Variants in FMN1 observed in about 807,000 individuals in gnomAD.
The protein encoded by FMN1 is formin-1.
Under a neutral mutation model 132.4 loss-of-function variants are expected in FMN1, and 110 were observed. That is an observed-to-expected ratio of 0.83 (90% CI 0.71 to 0.97). The LOEUF (loss-of-function observed/expected upper bound fraction) is 0.97. Among genes scored for constraint, FMN1 ranks in the 50% least tolerant of loss-of-function variants. The pLI, the probability that FMN1 is intolerant of heterozygous loss-of-function variation, is 0.00. For synonymous variants in FMN1, 722 were observed against 651.7 expected, an observed-to-expected ratio of 1.11 and a Z score of -1.64; for missense variants, 1,792 against 1,705.3, an observed-to-expected ratio of 1.05 and a Z score of -0.90.
chr15:33,009,231 T>A (rs944386092), intron 6 of FMN1, among the ~76,000 whole-genome samples: 4 of 152,138 alleles, frequency 2.6e-5, no homozygotes, highest in African/African-American at 9.7e-5. Flanking sequence ...ACCACGATAA[T>A]CCAAGTTACC....
intron 4 of FMN1, among the ~76,000 whole-genome samples, chr15:33,105,083 T>C (rs1370039025): frequency 2.0e-5 from 3 of 152,024 alleles, no homozygotes; most frequent in African/African-American, 7.2e-5. Flanking sequence ...TGACACAATC[T>C]CTCTCACTGT....
chr15:32,771,041 T>C lies in FMN1; in HGVS notation c.*3269A>G, dbSNP rs180928616. The C allele has an allele frequency of 6.6e-6, 1 of 151,758 alleles. No individual in the cohort carries two copies. Among genetic ancestry groups the C allele is most frequent in the East Asian group, 1.9e-4 (1 of 5,132 alleles). 9.4% of individuals were successfully genotyped at this position (151,758 alleles called of 1,614,324 possible). ...CTGCCACTTATTGAGATAAAAGCCA[T>C]ACAGCACACCTCCTAACCTGGTTTT... is the stretch of plus-strand genomic sequence containing the variant. On this transcript the variant is annotated 3_prime_UTR_variant, in exon 21 of 21. Coordinates refer to ENST00000616417, the MANE Select transcript of FMN1 (RefSeq NM_001277313.2).
intron 5 of FMN1, among the ~76,000 whole-genome samples, chr15:33,065,804 C>T (rs1016988337): frequency 6.6e-6 from 1 of 152,286 alleles, no homozygotes; most frequent in South Asian, 2.1e-4. Flanking sequence ...TGGACAGGTA[C>T]TTGCTCATCT....
intron 16 of FMN1, among the ~76,000 whole-genome samples, chr15:32,876,118 C>T (rs1369540587): frequency 1.3e-5 from 2 of 152,186 alleles, no homozygotes; most frequent in Non-Finnish European, 2.9e-5. Context: ...CAAATTAATG[C>T]TATTTTCCAG....
chr15:33,052,367 C>T (rs558699017), intron 6 of FMN1, among the ~76,000 whole-genome samples: 28 of 152,188 alleles, frequency 1.8e-4, no homozygotes, highest in Non-Finnish European at 3.8e-4. Flanking sequence ...AAAAGGAACT[C>T]GATAAAAATG....
In FMN1 at chr15:33,103,016, G is replaced by C. The variant is rs1324534495; in HGVS notation, c.1868-14042C>G. On this transcript the variant is annotated intron_variant, in intron 4 of 20. Coordinates refer to ENST00000616417, the MANE Select transcript of FMN1 (RefSeq NM_001277313.2). ...TTAGGATGCAGGAAAAGGCTTAATG[G>C]GGCAGAACCTTACTTGCCTTCTCCA... Among the ~76,000 whole-genome samples, 4 of 151,930 alleles carry C rather than the reference G, an allele frequency of 2.6e-5. 1 individual carries two copies. The highest frequency in any genetic ancestry group is 5.9e-5 in the Non-Finnish European group (4 of 67,964).
intron 9 of FMN1, among the ~76,000 whole-genome samples, chr15:32,928,527 G>T (rs2061021144): frequency 6.6e-6 from 1 of 152,150 alleles, no homozygotes; most frequent in Admixed American, 6.5e-5. Context: ...GTATTCTGGG[G>T]ATGCGGAGGT....
intron 17 of FMN1, among the ~76,000 whole-genome samples, chr15:32,813,031 C>G (rs530102832): frequency 5.0e-4 from 76 of 152,214 alleles, no homozygotes; most frequent in Non-Finnish European, 9.6e-4. Flanking sequence ...AACATATACA[C>G]GCTTTTTTTT....
chr15:32,957,912 TCTTA>T (rs1049533226), intron 9 of FMN1, among the ~76,000 whole-genome samples: 4 of 152,164 alleles, frequency 2.6e-5, no homozygotes, highest in Non-Finnish European at 5.9e-5. Context: ...GAGCTCTGGT[TCTTA>T]ATTTGGTTAC....
At chr15:33,011,902 A>T (rs1480744260) in intron 6 of FMN1, among the ~76,000 whole-genome samples, 1 of 152,244 alleles carries the variant, frequency 6.6e-6, no homozygotes, top group African/African-American at 2.4e-5. Context: ...GTGAAGATGC[A>T]GAACAATGGA....
At chr15:32,991,117 C>T (rs189387052) in intron 7 of FMN1, among the ~76,000 whole-genome samples, 4 of 152,190 alleles carry the variant, frequency 2.6e-5, no homozygotes, top group African/African-American at 9.6e-5. Context: ...TGCATAAGGC[C>T]AAACCTAACA....
At chr15:32,926,584 T>C (rs2060967394) in intron 9 of FMN1, among the ~76,000 whole-genome samples, 1 of 152,228 alleles carries the variant, frequency 6.6e-6, no homozygotes. Flanking sequence ...GTGGTATCCA[T>C]CTTTTTCACT....
intron 4 of FMN1, chr15:33,105,700 T>C (rs2039458806): frequency 6.6e-6 from 1 of 152,182 alleles, no homozygotes; most frequent in Admixed American, 6.5e-5. Flanking sequence ...TTTCAATAAA[T>C]ATCTACTTTT....
chr15:33,148,936 A>C (rs948950141), intron 4 of FMN1, among the ~76,000 whole-genome samples: 1 of 149,164 alleles, frequency 6.7e-6, no homozygotes, highest in African/African-American at 2.6e-5. Flanking sequence ...AACATAGAAA[A>C]GTGTACTTTA....
At chr15:33,024,782 T>C (rs894536988) in intron 6 of FMN1, among the ~76,000 whole-genome samples, 10 of 152,300 alleles carry the variant, frequency 6.6e-5, no homozygotes, top group East Asian at 1.9e-4. Flanking sequence ...TATGGAACCA[T>C]TGTTTCTAAC....
chr15:33,016,831 A>C (rs345830), intron 6 of FMN1, among the ~76,000 whole-genome samples: 20,260 of 152,114 alleles, frequency 0.13, 1,475 homozygotes, highest in Middle Eastern at 0.2. Flanking sequence ...GGAGATGTGA[A>C]CCACACAGAC....
chr15:32,954,061 T>C (rs554369508), intron 9 of FMN1, among the ~76,000 whole-genome samples: 26 of 152,316 alleles, frequency 1.7e-4, no homozygotes, highest in African/African-American at 2.6e-4. Context: ...AGGGGTTACA[T>C]GACTGGACAT....
rs1221494262 is a variant in FMN1, at chr15:32,773,755, G to C, written c.*555C>G. 6.6e-6 allele frequency: 1 copy of C among 152,196 alleles called. No homozygotes were observed. The highest frequency in any genetic ancestry group is 6.5e-5 in the Admixed American group (1 of 15,268). The allele number at this position is 152,196 out of a possible 1,614,324, so 9.4% of individuals were successfully genotyped here. ...ATAACAACAAAAAATCATTTTTTTA[G>C]TCTGGATAATACATGTTCTTGGACC... On this transcript the variant is annotated 3_prime_UTR_variant, in exon 21 of 21. Coordinates refer to ENST00000616417, the MANE Select transcript of FMN1 (RefSeq NM_001277313.2).
chr15:32,865,851 A>AT (rs67687287), intron 16 of FMN1, among the ~76,000 whole-genome samples: 2 of 39,532 alleles, frequency 5.1e-5, no homozygotes, highest in Non-Finnish European at 1.7e-4. Context: ...AAAAAAAAAA[A>AT]AATAAAATAA....
Sources: gnomAD v4.1 joint callset for allele counts (sites outside exome capture counted in the v4.1 genomes callset) on GRCh38, gnomAD v4.1.1 for gene constraint, MANE v1.5 for transcripts, NCBI Gene and HGNC (gene_info 2026-07-23, HGNC 2026-07-21) for gene names.